Variants in ZNRF2 observed in about 807,000 individuals in gnomAD.
ZNRF2 encodes E3 ubiquitin-protein ligase ZNRF2.
ZNRF2 carries 16 observed loss-of-function variants against 20.4 expected under a neutral mutation model. That is an observed-to-expected ratio of 0.79 (90% CI 0.53 to 1.19). The LOEUF (loss-of-function observed/expected upper bound fraction) is 1.19. Among genes scored for constraint, ZNRF2 ranks in the 50% most tolerant of loss-of-function variants. The pLI is 0.00. For synonymous variants in ZNRF2, 178 were observed against 144.9 expected, an observed-to-expected ratio of 1.23 and a Z score of -1.64; for missense variants, 363 against 332.4, an observed-to-expected ratio of 1.09 and a Z score of -0.72.
chr7:30,308,024 T>G (rs1402937799), intron 1 of ZNRF2, among the ~76,000 whole-genome samples: 1 of 152,156 alleles, frequency 6.6e-6, no homozygotes, highest in East Asian at 1.9e-4. Flanking sequence ...CCAGAAATCC[T>G]CCCCTTTGTT....
intron 2 of ZNRF2, among the ~76,000 whole-genome samples, chr7:30,334,052 A>G (rs533613431): frequency 1.2e-4 from 18 of 152,152 alleles, no homozygotes; most frequent in East Asian, 7.7e-4. Flanking sequence ...ATGTCTTACT[A>G]TAAGTTTTTT....
chr7:30,316,984 G>T (rs1032539660), intron 1 of ZNRF2, among the ~76,000 whole-genome samples: 3 of 152,016 alleles, frequency 2.0e-5, no homozygotes, highest in Non-Finnish European at 2.9e-5. Context: ...TATGGAAGTT[G>T]ATTTATTTGC....
intron 1 of ZNRF2, among the ~76,000 whole-genome samples, chr7:30,306,730 G>C (rs1452840207): frequency 6.6e-6 from 1 of 152,100 alleles, no homozygotes; most frequent in Non-Finnish European, 1.5e-5. Context: ...ACATTGACTT[G>C]CCTGTCGACC....
chr7:30,299,776 C>CTTT (rs34591785), intron 1 of ZNRF2, among the ~76,000 whole-genome samples: 19 of 123,308 alleles, frequency 1.5e-4, no homozygotes, highest in African/African-American at 2.3e-4. Flanking sequence ...CTAAAACCTG[C>CTTT]TTTTTTTTTT....
intron 1 of ZNRF2, among the ~76,000 whole-genome samples, chr7:30,303,566 G>A (rs1350371066): frequency 6.6e-6 from 1 of 152,144 alleles, no homozygotes; most frequent in Non-Finnish European, 1.5e-5. Flanking sequence ...TTGCCTTGAG[G>A]TATAAGCTCA....
In ZNRF2 at chr7:30,285,129, T is replaced by A. The variant is rs1562599643; in HGVS notation, c.-229T>A. On this transcript the variant is annotated 5_prime_UTR_variant, in exon 1 of 5. Transcript: ENST00000323037. ...CAGCCGGGACCCCTTCCTCTCCGCG[T>A]CTCCTCGTCTCCCGCGCCCGCGTCA... 7.2e-6 allele frequency: 3 copies of A among 417,090 alleles called. No individual in the cohort carries two copies. The allele number at this position is 417,090 out of a possible 1,614,324, so 25.8% of individuals were successfully genotyped here.
At chr7:30,322,056 T>C (rs1799479071) in intron 1 of ZNRF2, among the ~76,000 whole-genome samples, 1 of 152,150 alleles carries the variant, frequency 6.6e-6, no homozygotes, top group African/African-American at 2.4e-5. Context: ...TTAAGGAAGT[T>C]TATGAATTTG....
intron 1 of ZNRF2, among the ~76,000 whole-genome samples, chr7:30,304,547 G>T (rs1260354985): frequency 1.3e-5 from 2 of 152,220 alleles, no homozygotes; most frequent in East Asian, 3.8e-4. Context: ...TTGTGATGTT[G>T]AGGGAATAGG....
chr7:30,293,288 A>G (rs1031387905), intron 1 of ZNRF2, among the ~76,000 whole-genome samples: 3 of 141,928 alleles, frequency 2.1e-5, no homozygotes, highest in Admixed American at 7.6e-5. Context: ...TTGCTCTGTC[A>G]CCCAGGCTAC....
chr7:30,316,810 A>G (rs769780302), intron 1 of ZNRF2, among the ~76,000 whole-genome samples: 20 of 152,172 alleles, frequency 1.3e-4, no homozygotes, highest in Non-Finnish European at 2.9e-4. Context: ...TGGTTATAGA[A>G]GTTAGTTAGC....
chr7:30,329,730 A>G (rs549610001), intron 2 of ZNRF2, among the ~76,000 whole-genome samples: 1 of 152,318 alleles, frequency 6.6e-6, no homozygotes, highest in South Asian at 2.1e-4. Flanking sequence ...GGTTGAATCC[A>G]TATCTTGGTT....
chr7:30,362,046 A>G (rs915494087), intron 3 of ZNRF2, among the ~76,000 whole-genome samples: 11 of 152,228 alleles, frequency 7.2e-5, no homozygotes, highest in African/African-American at 2.4e-4. Flanking sequence ...ATGTGCATAA[A>G]TGAATAACTG....
Position 30,360,421 on chromosome 7 carries a change from C to T in ZNRF2, c.672-1956C>T, listed in dbSNP as rs183928780. Among the ~76,000 whole-genome samples the T allele has an allele frequency of 1.8e-3, 271 of 152,158 alleles. 1 individual carries two copies. Among genetic ancestry groups the T allele is most frequent in the Admixed American group, 2.9e-3 (44 of 15,284 alleles). On this transcript the variant is annotated intron_variant, in intron 3 of 4. Transcript: ENST00000323037. ...AATGAAAATGTAAAAACAGGCCAGG[C>T]GCAGTGGCTGACACCTATAATCCCA... is the stretch of plus-strand genomic sequence containing the variant.
intron 3 of ZNRF2, among the ~76,000 whole-genome samples, chr7:30,359,938 A>T (rs1050261584): frequency 1.2e-4 from 19 of 152,324 alleles, no homozygotes; most frequent in African/African-American, 4.1e-4. Flanking sequence ...ATTATAACTG[A>T]AATACCTGGA....
intron 1 of ZNRF2, among the ~76,000 whole-genome samples, chr7:30,303,253 G>A (rs1799146776): frequency 6.9e-6 from 1 of 144,544 alleles, no homozygotes; most frequent in Non-Finnish European, 1.5e-5. Flanking sequence ...ATGGAAATGA[G>A]ATCCTGTCTC....
intron 1 of ZNRF2, among the ~76,000 whole-genome samples, chr7:30,302,393 G>T (rs1447433976): frequency 6.6e-6 from 1 of 152,128 alleles, no homozygotes; most frequent in African/African-American, 2.4e-5. Context: ...TTCAGCGCAT[G>T]TTGCAATAGG....
At chr7:30,299,292 G>T (rs897219109) in intron 1 of ZNRF2, among the ~76,000 whole-genome samples, 3 of 152,078 alleles carry the variant, frequency 2.0e-5, no homozygotes, top group African/African-American at 7.2e-5. Flanking sequence ...AGTGACGCAT[G>T]CCTGTAATCC....
chr7:30,309,172 A>C (rs1383658478), intron 1 of ZNRF2, among the ~76,000 whole-genome samples: 1 of 152,194 alleles, frequency 6.6e-6, no homozygotes, highest in African/African-American at 2.4e-5. Context: ...AAATTCTAAA[A>C]TAATGGCAAA....
intron 2 of ZNRF2, among the ~76,000 whole-genome samples, chr7:30,348,261 A>T (rs538560292): frequency 6.6e-6 from 1 of 151,394 alleles, no homozygotes; most frequent in Non-Finnish European, 1.5e-5. Context: ...GGCAACAACA[A>T]CCCATTGCTT....
Sources: gnomAD v4.1 joint callset for allele counts (sites outside exome capture counted in the v4.1 genomes callset) on GRCh38, gnomAD v4.1.1 for gene constraint, MANE v1.5 for transcripts, NCBI Gene and HGNC (gene_info 2026-07-23, HGNC 2026-07-21) for gene names.